The following GRIN2D variants were observed in gnomAD, a reference collection of about 807,000 sequenced individuals.
GRIN2D encodes the protein glutamate ionotropic receptor NMDA type subunit 2D.
Under a neutral mutation model 103.2 loss-of-function variants are expected in GRIN2D, and 37 were observed. That is an observed-to-expected ratio of 0.36 (90% CI 0.28 to 0.47). GRIN2D has a LOEUF of 0.47. Among genes scored for constraint, GRIN2D ranks in the 20% least tolerant of loss-of-function variants. The pLI is 1.00. For missense variants in GRIN2D, 1,557 were observed against 1,910.6 expected (o/e 0.81, Z 3.45); for synonymous variants, 845 against 885.6 (o/e 0.95, Z 0.81).
chr19:48,409,250 A>ACAATGG lies in GRIN2D; in HGVS notation c.1085+3908_1085+3913dup, dbSNP rs540288913. 1.3e-4 allele frequency among the ~76,000 whole-genome samples: 19 copies of ACAATGG among 150,348 alleles called. No homozygotes were observed. In the South Asian group the frequency reaches 3.6e-3, roughly 29 times the overall value. ...CCACCTCCTAATTCCCAATACCATC[A>ACAATGG]CAATGGCAATGGCAATTAAATTTCT... On this transcript the variant is annotated intron_variant, in intron 4 of 13. Coordinates refer to ENST00000263269, the MANE Select transcript of GRIN2D (RefSeq NM_000836.4).
rs766471644 is a variant in GRIN2D at position 48,419,359 on chromosome 19, C to G, written c.1861C>G (p.Arg621Gly). 1 of 1,599,216 alleles carries G rather than the reference C, an allele frequency of 6.3e-7. No individual in the cohort carries two copies. Among genetic ancestry groups the G allele is most frequent in the Admixed American group, 1.8e-5 (1 of 55,576 alleles). Residue 621 changes from arginine to glycine, a missense_variant and splice_region_variant, in exon 9 of 14, where the codon CGC becomes GGC. Physicochemically the swap from Arg to Gly is moderately radical, Grantham distance 125 (BLOSUM62 -2). Around this residue, in one of 7 missense-constraint regions of GRIN2D, gnomAD observed 197 missense variants for 334.1 expected, o/e 0.59. Coordinates refer to ENST00000263269, the MANE Select transcript of GRIN2D (RefSeq NM_000836.4). ...CAACCGCAGCCTGGCCACGGGCAAG[C>G]GTGAGTCCCCCTTCCTCCATCCCCC... is the stretch of plus-strand genomic sequence containing the variant. The part of the protein sequence containing the change: ...GYNRSLATGK[R>G]PGGSTFTIGK...
At chr19:48,408,688 C>A (rs1257128823) in intron 4 of GRIN2D, among the ~76,000 whole-genome samples, 2 of 150,994 alleles carry the variant, frequency 1.3e-5, no homozygotes, top group Admixed American at 1.3e-4. Flanking sequence ...GGCGTGGTGA[C>A]AGGCACCTGT....
In GRIN2D at chr19:48,405,344, G is replaced by A; in HGVS notation, c.1076G>A (p.Ser359Asn). The change falls in exon 4 of 14, where the codon AGT becomes AAT. Residue 359 changes from serine (S) to asparagine (N), a missense_variant. Around this residue, in one of 7 missense-constraint regions of GRIN2D, gnomAD observed 490 missense variants for 601.1 expected, o/e 0.82. Coordinates refer to ENST00000263269, the MANE Select transcript of GRIN2D (RefSeq NM_000836.4). The surrounding 1 kb of genome is among the most constrained non-coding windows in gnomAD (Gnocchi z 5.1). ...RAQNRTHRGE[S>N]LHRYFMNITW... ...CAGAACCGCACCCACCGCGGCGAGA[G>A]TCTGCATAGGTGAGTGGGGCTGGAA... 1.0e-5 allele frequency: 16 copies of A among 1,580,218 alleles called. No individual in the cohort carries two copies. Among genetic ancestry groups the A allele is most frequent in the Non-Finnish European group, 1.4e-5 (16 of 1,163,784 alleles).
chr19:48,396,943 G>T (rs971667582), intron 2 of GRIN2D, among the ~76,000 whole-genome samples: 1 of 152,132 alleles, frequency 6.6e-6, no homozygotes, highest in African/African-American at 2.4e-5. Flanking sequence ...GACTCCCAGT[G>T]CCCTCCTCCC....
At chr19:48,407,203 C>T (rs1970803613) in intron 4 of GRIN2D, among the ~76,000 whole-genome samples, 2 of 151,990 alleles carry the variant, frequency 1.3e-5, no homozygotes, top group South Asian at 2.1e-4. Flanking sequence ...GAACTCCTAA[C>T]CTCAAATGAA....
At chr19:48,423,107 A>G (rs1971042738) in intron 11 of GRIN2D, among the ~76,000 whole-genome samples, 1 of 152,084 alleles carries the variant, frequency 6.6e-6, no homozygotes, top group South Asian at 2.1e-4. Flanking sequence ...GCTGCTTGGG[A>G]GGCTGAGGCA....
Position 48,421,061 on chromosome 19 carries a change from T to C in GRIN2D, c.2092-724T>C, listed in dbSNP as rs563518311. Among the ~76,000 whole-genome samples the C allele has an allele frequency of 3.0e-4, 46 of 152,288 alleles. No individual in the cohort carries two copies. Among genetic ancestry groups the C allele is most frequent in the African/African-American group, 9.9e-4 (41 of 41,554 alleles). ...GAGAAATCAGTTTGATGGGTTGCAA[T>C]AAGCATTTTTTAATGGAATGGAGTA... On this transcript the variant is annotated intron_variant, in intron 10 of 13. Coordinates refer to ENST00000263269, the MANE Select transcript of GRIN2D (RefSeq NM_000836.4). The surrounding 1 kb of genome is among the most constrained non-coding windows in gnomAD (Gnocchi z 4.8).
chr19:48,415,878 C>G, intron 7 of GRIN2D, 124 bp from the exon 8 acceptor site: 1 of 821,058 alleles, frequency 1.2e-6, no homozygotes, highest in East Asian at 2.4e-5. Flanking sequence ...CTCGCAATCC[C>G]TCTTGGCCCC....
Position 48,405,289 on chromosome 19 carries a change from C to T in GRIN2D, c.1021C>T (p.Leu341Phe). ...AQALLRDYGF[L>F]PELGHDCRAQ... ...GGCCCTGCTGCGTGATTATGGTTTC[C>T]TTCCTGAGCTCGGCCACGACTGTCG... The change falls in exon 4 of 14, where the codon CTT (leucine) becomes TTT (phenylalanine). Residue 341 changes from leucine to phenylalanine, a missense_variant. Coordinates refer to ENST00000263269, the MANE Select transcript of GRIN2D (RefSeq NM_000836.4). The surrounding 1 kb of genome is among the most constrained non-coding windows in gnomAD (Gnocchi z 5.1). 1 of 1,601,504 alleles carries T rather than the reference C, an allele frequency of 6.2e-7. No individual in the cohort carries two copies. Among genetic ancestry groups the T allele is most frequent in the South Asian group, 1.1e-5 (1 of 90,148 alleles).
At chr19:48,429,460 C>T (rs1256988681) in intron 11 of GRIN2D, among the ~76,000 whole-genome samples, 1 of 152,042 alleles carries the variant, frequency 6.6e-6, no homozygotes, top group African/African-American at 2.4e-5. Context: ...AGTGCAGTGG[C>T]GTGATCTTGG....
chr19:48,401,392 G>A (rs1204553582), intron 3 of GRIN2D, among the ~76,000 whole-genome samples: 1 of 152,182 alleles, frequency 6.6e-6, no homozygotes, highest in African/African-American at 2.4e-5. Flanking sequence ...TGTAATGACT[G>A]AGGATGGAGT....
At chr19:48,427,837 A>G (rs1971106203) in intron 11 of GRIN2D, among the ~76,000 whole-genome samples, 1 of 151,946 alleles carries the variant, frequency 6.6e-6, no homozygotes, top group Non-Finnish European at 1.5e-5. Flanking sequence ...GTCCTGTTCT[A>G]ACTAATTTAA....
intron 11 of GRIN2D, among the ~76,000 whole-genome samples, chr19:48,425,328 G>A (rs554925402): frequency 1.3e-5 from 2 of 152,076 alleles, no homozygotes; most frequent in Non-Finnish European, 2.9e-5. Context: ...TGCAACCTCC[G>A]CTTCCCGGGT....
At chr19:48,438,488 C>G (rs1005461812) in intron 11 of GRIN2D, among the ~76,000 whole-genome samples, 11 of 151,754 alleles carry the variant, frequency 7.2e-5, no homozygotes, top group Non-Finnish European at 1.6e-4. Flanking sequence ...TTAGTAGAGA[C>G]AGGGTTTCAC....
At chr19:48,433,510 C>T (rs1177283944) in intron 11 of GRIN2D, among the ~76,000 whole-genome samples, 1 of 152,228 alleles carries the variant, frequency 6.6e-6, no homozygotes, top group African/African-American at 2.4e-5. Flanking sequence ...GCTCCCAGGG[C>T]TCTGGCCGGC....
Position 48,405,409 on chromosome 19 carries a change from C to G in GRIN2D, c.1085+56C>G, listed in dbSNP as rs1166073088. 2 of 1,459,706 alleles carry G rather than the reference C, an allele frequency of 1.4e-6. No individual in the cohort carries two copies. Among genetic ancestry groups the G allele is most frequent in the African/African-American group, 2.8e-5 (2 of 70,898 alleles). The allele number at this position is 1,459,706 out of a possible 1,614,324, so 90.4% of individuals were successfully genotyped here. ...GAGGGCTCCCAGAGCCTAACTACCTCAGTATTCACTGAATGAGTGGCTCAA... is the reference window on the plus strand; with the variant it reads ...GAGGGCTCCCAGAGCCTAACTACCTGAGTATTCACTGAATGAGTGGCTCAA... On this transcript the variant is annotated intron_variant, in intron 4 of 13. Coordinates refer to ENST00000263269, the MANE Select transcript of GRIN2D (RefSeq NM_000836.4). The surrounding 1 kb of genome is among the most constrained non-coding windows in gnomAD (Gnocchi z 5.1).
chr19:48,408,377 T>C (rs907622743), intron 4 of GRIN2D, among the ~76,000 whole-genome samples: 1 of 150,942 alleles, frequency 6.6e-6, no homozygotes, highest in African/African-American at 2.4e-5. Flanking sequence ...TGTGTGCCTG[T>C]AGTCCTAGCT....
Position 48,443,192 on chromosome 19 carries a change from C to T in GRIN2D, c.3266C>T (p.Ala1089Val). 5 of 1,162,650 alleles carry T rather than the reference C, an allele frequency of 4.3e-6. No homozygotes were observed. Among genetic ancestry groups the T allele is most frequent in the African/African-American group, 1.6e-5 (1 of 61,020 alleles). The allele number at this position is 1,162,650 out of a possible 1,614,324, so 72.0% of individuals were successfully genotyped here. ...AGGTGGAGGG[A>V]PAAPPPCRAA... ...GGCACGGGGGGCGCAGGCGGAGGAG[C>T]CCCGGCCGCTCCGCCCCCGTGCCGC... is the stretch of plus-strand genomic sequence containing the variant. Residue 1089 changes from alanine to valine, a missense_variant, in exon 14 of 14, where the codon GCC (alanine) becomes GTC (valine). By Grantham distance (64) the Ala-to-Val change is moderately conservative (BLOSUM62 0). Around this residue, in one of 7 missense-constraint regions of GRIN2D, gnomAD observed 632 missense variants for 572.8 expected, o/e 1.10. Transcript: ENST00000263269. The surrounding 1 kb of genome is among the most constrained non-coding windows in gnomAD (Gnocchi z 8.9).
At chr19:48,426,894 A>C (rs1971093613) in intron 11 of GRIN2D, among the ~76,000 whole-genome samples, 1 of 151,986 alleles carries the variant, frequency 6.6e-6, no homozygotes, top group African/African-American at 2.4e-5. Context: ...CCCATTATGA[A>C]TATTCTACTA....
Sources: gnomAD v4.1 joint callset for allele counts (sites outside exome capture counted in the v4.1 genomes callset) on GRCh38, gnomAD v4.1.1 for gene constraint, gnomAD v4.1.1 regional missense constraint, Gnocchi (gnomAD v3.1) non-coding constraint, MANE v1.5 for transcripts, NCBI Gene and HGNC (gene_info 2026-07-23, HGNC 2026-07-21) for gene names.